Variants in CD38 observed in about 807,000 individuals in gnomAD.
CD38 encodes CD38 molecule.
Under a neutral mutation model 36.3 loss-of-function variants are expected in CD38, and 31 were observed. The observed-to-expected ratio is 0.85, with a 90% CI of 0.64 to 1.15. The LOEUF (loss-of-function observed/expected upper bound fraction) is 1.15. Among genes scored for constraint, CD38 ranks in the 50% most tolerant of loss-of-function variants. CD38 has a pLI of 0.00. For synonymous variants in CD38, 131 were observed against 135.2 expected (o/e 0.97, Z 0.22); for missense variants, 380 against 371.9 (o/e 1.02, Z -0.18).
At chr4:15,790,864 C>G (rs564577540) in intron 1 of CD38, among the ~76,000 whole-genome samples, 1 of 148,208 alleles carries the variant, frequency 6.7e-6, no homozygotes, top group Non-Finnish European at 1.5e-5. Context: ...TCTGCTGGGC[C>G]GCAACCCTGT....
chr4:15,840,395 A>AC (rs1724177236), intron 6 of CD38, 57 bp from the exon 7 acceptor site: 1 of 1,165,202 alleles, frequency 8.6e-7, no homozygotes, highest in Middle Eastern at 2.0e-4. Context: ...AAACAAAGAG[A>AC]CTCCAAAAAT....
At chr4:15,792,567 C>A (rs1335852871) in intron 1 of CD38, among the ~76,000 whole-genome samples, 5 of 151,528 alleles carry the variant, frequency 3.3e-5, no homozygotes, top group Non-Finnish European at 5.9e-5. Context: ...ATACAATTAA[C>A]CCCTACTTAC....
intron 1 of CD38, among the ~76,000 whole-genome samples, chr4:15,812,219 T>C (rs1340039606): frequency 6.6e-6 from 1 of 152,196 alleles, no homozygotes; most frequent in Admixed American, 6.5e-5. Flanking sequence ...AGTTTTGAAA[T>C]CAGGAAGTTT....
rs928573409 is a variant in CD38 at position 15,851,922 on chromosome 4, A to G, written c.*3320A>G. The stretch of plus-strand genomic sequence containing the variant: ...GTGTCTGTACTAAATGCTGTGGGCA[A>G]TTTTAACCTGATGGTAAATGTTTGT... On this transcript the variant is annotated 3_prime_UTR_variant, in exon 8 of 8. Coordinates refer to ENST00000226279, the MANE Select transcript of CD38 (RefSeq NM_001775.4). 1.3e-5 allele frequency: 2 copies of G among 152,222 alleles called. No homozygotes were observed. Among genetic ancestry groups the G allele is most frequent in the African/African-American group, 4.8e-5 (2 of 41,458 alleles). 9.4% of individuals were successfully genotyped at this position (152,222 alleles called of 1,614,324 possible).
At chr4:15,833,136 T>G (rs1577658014) in intron 3 of CD38, among the ~76,000 whole-genome samples, 1 of 152,156 alleles carries the variant, frequency 6.6e-6, no homozygotes, top group East Asian at 1.9e-4. Flanking sequence ...GGCTCCCCTC[T>G]GGCCCAGGGC....
At chr4:15,812,771 G>T (rs1388567081) in intron 1 of CD38, among the ~76,000 whole-genome samples, 2 of 152,058 alleles carry the variant, frequency 1.3e-5, no homozygotes, top group Non-Finnish European at 2.9e-5. Context: ...ATTTGTTCAG[G>T]TCTTCTTTAC....
intron 1 of CD38, among the ~76,000 whole-genome samples, chr4:15,802,235 G>A (rs1335093835): frequency 1.3e-5 from 2 of 151,980 alleles, no homozygotes; most frequent in Non-Finnish European, 2.9e-5. Flanking sequence ...TAACCAAAGA[G>A]GTGAAAGATC....
chr4:15,822,605 A>G (rs1192841818), intron 2 of CD38, among the ~76,000 whole-genome samples: 2 of 152,062 alleles, frequency 1.3e-5, no homozygotes, highest in African/African-American at 2.4e-5. Context: ...GGAATAAAAT[A>G]CCTAGGAATA....
chr4:15,813,099 G>T (rs533638274), intron 1 of CD38, among the ~76,000 whole-genome samples: 2 of 152,130 alleles, frequency 1.3e-5, no homozygotes, highest in Non-Finnish European at 1.5e-5. Flanking sequence ...ATCTAATCTG[G>T]ATGAGTTTAG....
chr4:15,829,131 T>C (rs973113386), intron 3 of CD38, among the ~76,000 whole-genome samples: 1 of 152,212 alleles, frequency 6.6e-6, no homozygotes, highest in African/African-American at 2.4e-5. Context: ...GAAAAATGTC[T>C]ATTCAGGTCC....
At chr4:15,832,489 G>C (rs1392230345) in intron 3 of CD38, among the ~76,000 whole-genome samples, 1 of 152,156 alleles carries the variant, frequency 6.6e-6, no homozygotes, top group Admixed American at 6.5e-5. Flanking sequence ...GTAATGCTGT[G>C]GGTCTTGTAC....
At position 15,838,229 on chromosome 4, in the gene CD38, A is replaced by T. The variant is rs1255309374; in HGVS notation, c.659+64A>T. 9 of 1,210,156 alleles carry T rather than the reference A, an allele frequency of 7.4e-6. No homozygotes were observed. The East Asian group carries it at 1.4e-4, about 19-fold the overall frequency. The allele number at this position is 1,210,156 out of a possible 1,614,324, so 75.0% of individuals were successfully genotyped here. A position where few individuals can be genotyped will look rare whatever the true frequency, so the allele number is the denominator to read the frequency against. On this transcript the variant is annotated intron_variant, in intron 5 of 7. Transcript: ENST00000226279. ...TTGCAAATATCACAGTGAATATTTC[A>T]TCTCTAGAAAGAATATGCTTTTCAT...
chr4:15,832,662 G>T (rs1723983514), intron 3 of CD38, among the ~76,000 whole-genome samples: 1 of 152,118 alleles, frequency 6.6e-6, no homozygotes, highest in Admixed American at 6.5e-5. Context: ...CCGCAACTAG[G>T]ACTTTGCTGG....
At chr4:15,793,954 C>G (rs1723059567) in intron 1 of CD38, among the ~76,000 whole-genome samples, 1 of 152,208 alleles carries the variant, frequency 6.6e-6, no homozygotes, top group African/African-American at 2.4e-5. Context: ...GGGAAGGAAA[C>G]AGCAGCTCAG....
At chr4:15,832,820 G>C (rs1174979198) in intron 3 of CD38, among the ~76,000 whole-genome samples, 1 of 152,172 alleles carries the variant, frequency 6.6e-6, no homozygotes, top group African/African-American at 2.4e-5. Context: ...AGGTTGGCAA[G>C]TTTCCCAAGG....
intron 1 of CD38, among the ~76,000 whole-genome samples, chr4:15,807,625 A>T (rs1723370598): frequency 6.6e-6 from 1 of 152,138 alleles, no homozygotes; most frequent in Non-Finnish European, 1.5e-5. Flanking sequence ...TCCCAGAAGG[A>T]AGGAGCTAAA....
At chr4:15,840,704 G>A (rs917919984) in intron 7 of CD38, among the ~76,000 whole-genome samples, 166 bp downstream of exon 7, 5 of 152,098 alleles carry the variant, frequency 3.3e-5, no homozygotes, top group African/African-American at 9.7e-5. Flanking sequence ...CTTCCAAGCC[G>A]AGTCCAGAAG....
chr4:15,787,186 C>T (rs1470626965), intron 1 of CD38, among the ~76,000 whole-genome samples: 1 of 152,234 alleles, frequency 6.6e-6, no homozygotes, highest in Non-Finnish European at 1.5e-5. Flanking sequence ...GCTCCTCAAG[C>T]ACGGCCAGAG....
chr4:15,816,402 C>T (rs1020846742), intron 1 of CD38, 109 bp from the exon 2 acceptor site: 27 of 847,698 alleles, frequency 3.2e-5, no homozygotes, highest in Non-Finnish European at 4.5e-5. Flanking sequence ...GTATGAACTA[C>T]CTGGCATATA....
Sources: allele counts gnomAD v4.1 joint callset (sites outside exome capture counted in the v4.1 genomes callset), GRCh38; gene constraint gnomAD v4.1.1; transcripts MANE v1.5; gene names NCBI Gene and HGNC (gene_info 2026-07-23, HGNC 2026-07-21).